Variants in SAMD4A observed in about 807,000 individuals in gnomAD.
The protein encoded by SAMD4A is sterile alpha motif domain containing 4A.
In SAMD4A, 33 loss-of-function variants were observed where a neutral mutation model predicts 81.3. The observed-to-expected ratio is 0.41, with a 90% CI of 0.31 to 0.54. The LOEUF (loss-of-function observed/expected upper bound fraction) is 0.54. SAMD4A is among the 20% of genes least tolerant of loss of function. The pLI is 0.37. For synonymous variants in SAMD4A, 389 were observed against 382.1 expected, an observed-to-expected ratio of 1.02 and a Z score of -0.21; for missense variants, 854 against 951.1, an observed-to-expected ratio of 0.90 and a Z score of 1.34.
upstream of SAMD4A, among the ~76,000 whole-genome samples, chr14:54,565,735 G>C (rs902191322): frequency 3.9e-5 from 6 of 152,030 alleles, no homozygotes; most frequent in Non-Finnish European, 7.4e-5. The surrounding 1 kb of genome is among the most constrained non-coding windows in gnomAD (Gnocchi z 5.4). Context: ...AGCGCCCTCG[G>C]GTCCCTTTCT....
At chr14:54,783,032 G>A (rs2039038155) in intron 11 of SAMD4A, among the ~76,000 whole-genome samples, 1 of 152,114 alleles carries the variant, frequency 6.6e-6, no homozygotes, top group Admixed American at 6.5e-5. Context: ...GAGGAAGGTG[G>A]TGGCAACACG....
chr14:54,724,019 AG>A (rs1424777387), intron 3 of SAMD4A, among the ~76,000 whole-genome samples: 1 of 145,766 alleles, frequency 6.9e-6, no homozygotes, highest in Admixed American at 6.8e-5. Flanking sequence ...GAAGGAAGGA[AG>A]GAAGGAAGGA....
chr14:54,756,060 C>T (rs535010032), intron 6 of SAMD4A, among the ~76,000 whole-genome samples: 4 of 152,266 alleles, frequency 2.6e-5, no homozygotes, highest in African/African-American at 7.2e-5. Flanking sequence ...GATCTGAGAC[C>T]CCCAATTCCA....
chr14:54,694,670 G>T (rs1352694340), intron 2 of SAMD4A: 2 of 985,376 alleles, frequency 2.0e-6, no homozygotes, highest in Non-Finnish European at 2.4e-6. Context: ...GAGCTGGCCT[G>T]GTTTTTGTGC....
At position 54,612,221 on chromosome 14, in the gene SAMD4A, G is replaced by C. The variant is rs547715388; in HGVS notation, c.196+44109G>C. Among the ~76,000 whole-genome samples, 11 of 152,130 alleles carry C rather than the reference G, an allele frequency of 7.2e-5. No homozygotes were observed. The East Asian group carries it at 2.1e-3, about 29-fold the overall frequency. On this transcript the variant is annotated intron_variant, in intron 2 of 12. Coordinates refer to ENST00000554335, the MANE Select transcript of SAMD4A (RefSeq NM_015589.6). ...TTTCAAAGAAAAGCCTTTCCATTTT[G>C]GTTTAAGTTGTATATAGTTAGCCAG...
At chr14:54,609,611 C>T (rs568885963) in intron 2 of SAMD4A, among the ~76,000 whole-genome samples, 1 of 152,162 alleles carries the variant, frequency 6.6e-6, no homozygotes, top group Non-Finnish European at 1.5e-5. Flanking sequence ...TAATTTATGA[C>T]GTCTGGAAAG....
chr14:54,623,511 A>T (rs1348755042), intron 2 of SAMD4A, among the ~76,000 whole-genome samples: 4 of 120,022 alleles, frequency 3.3e-5, no homozygotes, highest in Non-Finnish European at 7.0e-5. Flanking sequence ...AAAAAAAAAA[A>T]AAGCAGGGGG....
At chr14:54,755,368 C>T (rs1190511794) in intron 6 of SAMD4A, among the ~76,000 whole-genome samples, 1 of 152,088 alleles carries the variant, frequency 6.6e-6, no homozygotes, top group African/African-American at 2.4e-5. Flanking sequence ...AGTCCAGGAG[C>T]CCCACAAGGT....
chr14:54,603,731 C>G (rs1468919625), intron 2 of SAMD4A, among the ~76,000 whole-genome samples: 2 of 150,716 alleles, frequency 1.3e-5, no homozygotes, highest in African/African-American at 4.9e-5. Flanking sequence ...TTGGTGCATT[C>G]AGCATCCTAG....
rs561913644 is a variant in SAMD4A at position 54,786,782 on chromosome 14, T to C, written c.2129-2134T>C. Among the ~76,000 whole-genome samples, 97 of 152,388 alleles carry C rather than the reference T, an allele frequency of 6.4e-4. 1 individual carries two copies. The South Asian group carries it at 0.019, about 31-fold the overall frequency. ...CAAATGCTCTTTATTAAAGGAAGGT[T>C]TTCATTGAAAAGACTTCGTTTTTTT... On this transcript the variant is annotated intron_variant, in intron 12 of 12. Coordinates refer to ENST00000554335, the MANE Select transcript of SAMD4A (RefSeq NM_015589.6).
chr14:54,700,590 G>A (rs1047759087), intron 2 of SAMD4A, among the ~76,000 whole-genome samples: 1 of 152,114 alleles, frequency 6.6e-6, no homozygotes, highest in Non-Finnish European at 1.5e-5. Context: ...TCTAGATATG[G>A]CATAAAAACC....
At chr14:54,589,947 A>G (rs1295623060) in intron 2 of SAMD4A, among the ~76,000 whole-genome samples, 1 of 152,158 alleles carries the variant, frequency 6.6e-6, no homozygotes, top group African/African-American at 2.4e-5. Flanking sequence ...CATGCTGTTT[A>G]TTACCACATG....
chr14:54,772,849 T>C (rs1430038493), intron 9 of SAMD4A, among the ~76,000 whole-genome samples: 2 of 150,898 alleles, frequency 1.3e-5, no homozygotes, highest in Non-Finnish European at 1.5e-5. Flanking sequence ...CACTCGGCCC[T>C]TGTCTCTACC....
chr14:54,648,619 G>C (rs1339369844), intron 2 of SAMD4A, among the ~76,000 whole-genome samples: 1 of 152,158 alleles, frequency 6.6e-6, no homozygotes, highest in Non-Finnish European at 1.5e-5. Context: ...AAATAGTAGA[G>C]TCAGTGTGAC....
intron 2 of SAMD4A, among the ~76,000 whole-genome samples, chr14:54,692,335 A>T (rs563544336): frequency 6.6e-6 from 1 of 152,268 alleles, no homozygotes; most frequent in South Asian, 2.1e-4. Context: ...TTAAGCATGA[A>T]CTATTCTTTT....
intron 2 of SAMD4A, among the ~76,000 whole-genome samples, chr14:54,645,669 T>C (rs1167512264): frequency 1.3e-5 from 2 of 152,258 alleles, no homozygotes; most frequent in East Asian, 3.8e-4. Flanking sequence ...AGCATCAAAG[T>C]ATTAAAATAA....
chr14:54,603,599 C>A (rs1434262567), intron 2 of SAMD4A, among the ~76,000 whole-genome samples: 1 of 151,846 alleles, frequency 6.6e-6, no homozygotes, highest in Non-Finnish European at 1.5e-5. Flanking sequence ...GGCCTATAGC[C>A]AAAGAAATGA....
chr14:54,576,001 C>CTTTTTTTTTTTTTTTTTTTTTTTTTTTTT (rs57819180), intron 2 of SAMD4A, among the ~76,000 whole-genome samples: 2 of 79,998 alleles, frequency 2.5e-5, no homozygotes, highest in East Asian at 5.0e-4. Context: ...TTCTTTCTTT[C>CTTTTTTTTTTTTTTTTTTTTTTTTTTTTT]TTTTTTTTTT....
chr14:54,722,517 A>C (rs2140866759), intron 3 of SAMD4A, among the ~76,000 whole-genome samples: 1 of 152,316 alleles, frequency 6.6e-6, no homozygotes, highest in Non-Finnish European at 1.5e-5. Flanking sequence ...TGTCAAAAAG[A>C]TACTGATACG....
Sources: gnomAD v4.1 joint callset for allele counts (sites outside exome capture counted in the v4.1 genomes callset) on GRCh38, gnomAD v4.1.1 for gene constraint, Gnocchi (gnomAD v3.1) non-coding constraint, MANE v1.5 for transcripts, NCBI Gene and HGNC (gene_info 2026-07-23, HGNC 2026-07-21) for gene names.